The following TRPM3 variants were observed in gnomAD, a reference collection of about 807,000 sequenced individuals.
TRPM3 encodes long transient receptor potential channel 3.
A neutral mutation model predicts 181.2 loss-of-function variants in TRPM3; 77 were observed. That is an observed-to-expected ratio of 0.42 (90% CI 0.35 to 0.51). The LOEUF (loss-of-function observed/expected upper bound fraction) is 0.51, where lower values mean the gene tolerates loss of function less well. TRPM3 is among the 20% of genes least tolerant of loss of function. The pLI, the probability that TRPM3 is intolerant of heterozygous loss-of-function variation, is 0.01. For missense variants in TRPM3, 1,759 were observed against 2,196.7 expected, an observed-to-expected ratio of 0.80 and a Z score of 3.98; for synonymous variants, 745 against 796.4, an observed-to-expected ratio of 0.94 and a Z score of 1.09.
chr9:71,001,104 G>A (rs1365170652), intron 1 of TRPM3, among the ~76,000 whole-genome samples: 2 of 152,196 alleles, frequency 1.3e-5, no homozygotes, highest in African/African-American at 4.8e-5. Flanking sequence ...TCAAGTGGTA[G>A]TTCATGGGTG....
chr9:70,662,778 T>C (rs927089622), intron 9 of TRPM3, among the ~76,000 whole-genome samples: 1 of 152,100 alleles, frequency 6.6e-6, no homozygotes, highest in Non-Finnish European at 1.5e-5. Flanking sequence ...GGAAACACTT[T>C]TACACTGCTG....
intron 6 of TRPM3, among the ~76,000 whole-genome samples, chr9:70,802,911 G>A (rs1018100065): frequency 2.0e-5 from 3 of 151,676 alleles, no homozygotes; most frequent in Non-Finnish European, 2.9e-5. Flanking sequence ...TTCAGGTTTT[G>A]TTTTCCATTT....
At chr9:71,109,502 CACAA>C (rs770223501) in intron 1 of TRPM3, among the ~76,000 whole-genome samples, 17 of 152,136 alleles carry the variant, frequency 1.1e-4, no homozygotes, top group Non-Finnish European at 1.6e-4. Context: ...TATACGCAAA[CACAA>C]ACATATTAAT....
rs71507026 is a variant in TRPM3, at chr9:71,196,167, A to ATGTGTGTGTG, written c.183+250476_183+250485dup. Among the ~76,000 whole-genome samples the ATGTGTGTGTG allele has an allele frequency of 1.1e-3, 170 of 149,452 alleles. 1 individual carries two copies. Among genetic ancestry groups the ATGTGTGTGTG allele is most frequent in the African/African-American group, 3.8e-3 (156 of 40,672 alleles). The stretch of plus-strand genomic sequence containing the variant: ...CATATATATATATACACACACGTAT[A>ATGTGTGTGTG]TGTGTGTGTGTGTGTGTGTGTGTGT... On this transcript the variant is annotated intron_variant, in intron 1 of 24. Coordinates refer to the TRPM3 transcript ENST00000357533.
At chr9:70,940,908 T>A (rs1382986385) in intron 1 of TRPM3, among the ~76,000 whole-genome samples, 1 of 152,206 alleles carries the variant, frequency 6.6e-6, no homozygotes, top group Non-Finnish European at 1.5e-5. Context: ...CTGGCTCTGT[T>A]TTTAGATGTA....
In TRPM3 at chr9:70,882,617, C is replaced by T. The variant is rs564602277; in HGVS notation, c.178-18106G>A. Among the ~76,000 whole-genome samples, 5 of 152,142 alleles carry T rather than the reference C, an allele frequency of 3.3e-5. No individual in the cohort carries two copies. In the South Asian group the frequency reaches 1.0e-3, roughly 32 times the overall value. The stretch of plus-strand genomic sequence containing the variant: ...TGAGTATTCTGGAACACATTGCCTT[C>T]CTGAAAACAGATGAATGAATTATCT... On this transcript the variant is annotated intron_variant, in intron 1 of 25. Transcript: ENST00000677713.
In TRPM3 at chr9:71,226,009, T is replaced by TAAAAAAAAAAAAAAAAAAAAAAA; in HGVS notation, c.183+220621_183+220643dup. On this transcript the variant is annotated intron_variant, in intron 1 of 24. Transcript: ENST00000357533. ...AGATATGAATAGAAACAACAAAAGG[T>TAAAAAAAAAAAAAAAAAAAAAAA]AAAAAAAAAAAAAAAAAAAAAAAAA... 7.2e-4 allele frequency among the ~76,000 whole-genome samples: 25 copies of TAAAAAAAAAAAAAAAAAAAAAAA among 34,706 alleles called. 2 individuals carry two copies. Among genetic ancestry groups the TAAAAAAAAAAAAAAAAAAAAAAA allele is most frequent in the East Asian group, 1.6e-3 (2 of 1,262 alleles). The allele number at this position is 34,706 out of a possible 152,430, so 22.8% of individuals were successfully genotyped here. A position where few individuals can be genotyped will look rare whatever the true frequency, so the allele number is the denominator to read the frequency against.
At chr9:71,150,217 C>T (rs954240474) in intron 1 of TRPM3, among the ~76,000 whole-genome samples, 3 of 151,898 alleles carry the variant, frequency 2.0e-5, no homozygotes, top group African/African-American at 4.8e-5. Flanking sequence ...CACACATGCA[C>T]ATATACACAA....
At chr9:70,608,094 A>T (rs1283463728) in intron 19 of TRPM3, among the ~76,000 whole-genome samples, 1 of 152,250 alleles carries the variant, frequency 6.6e-6, no homozygotes, top group East Asian at 1.9e-4. Context: ...GCAAACGCTG[A>T]GCTGTAACCA....
intron 7 of TRPM3, among the ~76,000 whole-genome samples, chr9:70,763,864 ACT>A (rs2078611454): frequency 6.6e-6 from 1 of 151,978 alleles, no homozygotes; most frequent in Non-Finnish European, 1.5e-5. Flanking sequence ...TTCAGGGAAG[ACT>A]CTTCTGAGGA....
chr9:70,835,020 T>C (rs1016737089), intron 5 of TRPM3, among the ~76,000 whole-genome samples: 23 of 152,168 alleles, frequency 1.5e-4, no homozygotes, highest in African/African-American at 5.3e-4. Flanking sequence ...CCCACGGTAA[T>C]TAGGGAGCTC....
intron 1 of TRPM3, among the ~76,000 whole-genome samples, chr9:71,239,837 T>A (rs886439213): frequency 2.6e-5 from 4 of 152,150 alleles, no homozygotes; most frequent in Non-Finnish European, 5.9e-5. Context: ...TGACTCCAAG[T>A]ACTTAAGTGT....
intron 3 of TRPM3, among the ~76,000 whole-genome samples, chr9:70,854,452 T>C (rs2095331743): frequency 6.6e-6 from 1 of 152,192 alleles, no homozygotes; most frequent in South Asian, 2.1e-4. Flanking sequence ...AACTAATAAA[T>C]GCAAATTGAA....
At chr9:71,287,309 G>A (rs2085383007) in intron 1 of TRPM3, among the ~76,000 whole-genome samples, 1 of 151,642 alleles carries the variant, frequency 6.6e-6, no homozygotes, top group Non-Finnish European at 1.5e-5. Flanking sequence ...TAGTTCACAG[G>A]AGAAGCAATG....
In TRPM3 at chr9:71,186,963, G is replaced by A. The variant is rs533357834; in HGVS notation, c.183+259690C>T. Among the ~76,000 whole-genome samples the A allele has an allele frequency of 7.2e-5, 11 of 152,008 alleles. No individual in the cohort carries two copies. The South Asian group carries it at 8.3e-4, about 11-fold the overall frequency. On this transcript the variant is annotated intron_variant, in intron 1 of 24. Transcript: ENST00000357533. Reference sequence around the variant, plus strand: ...TAAAAACTCTTCTTAAAAATAATACGTGATAGTGTATAATACTTTATCATG... The same window carrying A: ...TAAAAACTCTTCTTAAAAATAATACATGATAGTGTATAATACTTTATCATG...
At chr9:71,113,507 A>G (rs1324704112) in intron 1 of TRPM3, among the ~76,000 whole-genome samples, 2 of 152,314 alleles carry the variant, frequency 1.3e-5, no homozygotes, top group Admixed American at 6.5e-5. Flanking sequence ...CTCTGCTGCA[A>G]AGTTTTTCTG....
intron 9 of TRPM3, among the ~76,000 whole-genome samples, chr9:70,666,630 C>G (rs931526694): frequency 1.3e-5 from 2 of 152,124 alleles, no homozygotes; most frequent in Non-Finnish European, 2.9e-5. Context: ...GCTCCTAGTT[C>G]TTTGCATGTG....
chr9:70,956,961 C>CTTTTTTTTTT (rs747544684), intron 1 of TRPM3, among the ~76,000 whole-genome samples: 3 of 137,398 alleles, frequency 2.2e-5, no homozygotes, highest in Non-Finnish European at 3.1e-5. Context: ...TTCTTTCTTT[C>CTTTTTTTTTT]TTTTTTTTTT....
intron 6 of TRPM3, among the ~76,000 whole-genome samples, chr9:70,792,075 G>T (rs1200847582): frequency 6.6e-6 from 1 of 152,138 alleles, no homozygotes; most frequent in Non-Finnish European, 1.5e-5. Context: ...AACTCTCATG[G>T]TGTCCGCCCT....
Sources: gnomAD v4.1 joint callset for allele counts (sites outside exome capture counted in the v4.1 genomes callset) on GRCh38, gnomAD v4.1.1 for gene constraint, MANE v1.5 for transcripts, NCBI Gene and HGNC (gene_info 2026-07-23, HGNC 2026-07-21) for gene names.